The following RTTN variants were observed in gnomAD, a reference collection of about 807,000 sequenced individuals.
RTTN encodes the protein rotatin.
RTTN carries 182 observed loss-of-function variants against 269.2 expected under a neutral mutation model. The ratio of observed to expected loss-of-function variants is 0.68; its 90% CI spans 0.60 to 0.76. The LOEUF is 0.76. Among genes scored for constraint, RTTN ranks in the 30% least tolerant of loss-of-function variants. RTTN has a pLI of 0.00. For missense variants in RTTN, 2,545 were observed against 2,608.6 expected (o/e 0.98, Z 0.53); for synonymous variants, 1,006 against 963.5 (o/e 1.04, Z -0.82).
At position 70,048,145 on chromosome 18, in the gene RTTN, G is replaced by A. The variant is rs1297931143; in HGVS notation, c.5367C>T (p.Ala1789=). Residue 1789 remains alanine (A), a synonymous_variant, in exon 40 of 49, where the codon GCC becomes GCT. Transcript: ENST00000640769. ...GGAATTGCAAGCTGGCAGTATACAG[G>A]GCAGGACACGTGGCAGACAAGCCTG... ...TCAGLSATCP[A]LYTASLQFLS... 1 of 1,614,086 alleles carries A rather than the reference G, an allele frequency of 6.2e-7. No individual in the cohort carries two copies. The highest frequency in any genetic ancestry group is 2.2e-5 in the East Asian group (1 of 44,874).
intron 9 of RTTN, among the ~76,000 whole-genome samples, chr18:70,189,162 CAGAT>C (rs1215092585): frequency 6.6e-6 from 1 of 152,172 alleles, no homozygotes; most frequent in Non-Finnish European, 1.5e-5. Flanking sequence ...GCTTACCAGA[CAGAT>C]AAACATATGT....
chr18:70,098,111 C>T (rs1286810709), intron 28 of RTTN, among the ~76,000 whole-genome samples: 1 of 151,950 alleles, frequency 6.6e-6, no homozygotes, highest in Non-Finnish European at 1.5e-5. Context: ...AATTTTTAAA[C>T]TTTTAGGTTC....
rs2057932959 is a variant in RTTN at position 70,060,028 on chromosome 18, T to A, written c.4762A>T (p.Thr1588Ser). ...QFVAQGHQESTSPRPPHDSSL... is the reference protein window; with the variant it reads ...QFVAQGHQESSSPRPPHDSSL... ...GAATCATGAGGTGGCCGTGGTGATG[T>A]ACTTTCCTGGTGACCTATTATTGAA... Residue 1588 changes from threonine to serine, a missense_variant, in exon 36 of 49, where the codon ACA (threonine) becomes TCA (serine). By Grantham distance (58) the Thr-to-Ser change is moderately conservative (BLOSUM62 1). Coordinates refer to ENST00000640769, the MANE Select transcript of RTTN (RefSeq NM_173630.4). 6.2e-7 allele frequency: 1 copy of A among 1,611,250 alleles called. No individual in the cohort carries two copies. Among genetic ancestry groups the A allele is most frequent in the Non-Finnish European group, 8.5e-7 (1 of 1,178,664 alleles).
At chr18:70,190,808 C>T (rs2061653544) in intron 8 of RTTN, 89 bp from the exon 9 acceptor site, 3 of 853,450 alleles carry the variant, frequency 3.5e-6, no homozygotes, top group Admixed American at 4.1e-5. Flanking sequence ...TATTAGAAGC[C>T]TCATACAAGT....
chr18:70,182,914 T>G (rs756581448), intron 10 of RTTN, among the ~76,000 whole-genome samples: 1 of 152,224 alleles, frequency 6.6e-6, no homozygotes, highest in Non-Finnish European at 1.5e-5. Flanking sequence ...CTCCACACTT[T>G]GAATGATTAT....
chr18:70,058,255 G>A lies in RTTN; in HGVS notation c.4941-423C>T, dbSNP rs533649459. 1.8e-3 allele frequency among the ~76,000 whole-genome samples: 271 copies of A among 152,330 alleles called. 1 individual carries two copies. Among genetic ancestry groups the A allele is most frequent in the Non-Finnish European group, 3.1e-3 (210 of 68,034 alleles). ...AAACAGGCCGGGTGCGGTGGCTCAC[G>A]CCTGTAATCCCAGCACTTTGGGAGG... is the stretch of plus-strand genomic sequence containing the variant. On this transcript the variant is annotated intron_variant, in intron 36 of 48. Transcript: ENST00000640769.
intron 28 of RTTN, among the ~76,000 whole-genome samples, chr18:70,107,752 T>C (rs1477858980): frequency 6.6e-6 from 1 of 152,126 alleles, no homozygotes; most frequent in Non-Finnish European, 1.5e-5. Context: ...GTTCATTCTA[T>C]TAGAAAGATA....
chr18:70,053,307 A>G (rs2057727774), intron 38 of RTTN: 1 of 152,238 alleles, frequency 6.6e-6, no homozygotes, highest in African/African-American at 2.4e-5. Context: ...TCTTCTCCCC[A>G]GAATCAATGT....
At chr18:70,149,327 G>A (rs963060469) in intron 16 of RTTN, among the ~76,000 whole-genome samples, 3 of 151,892 alleles carry the variant, frequency 2.0e-5, no homozygotes, top group Non-Finnish European at 2.9e-5. Context: ...CCTCCCCTCG[G>A]TGAAGCACCT....
chr18:70,202,426 C>T (rs779292248), intron 3 of RTTN, among the ~76,000 whole-genome samples: 1 of 152,210 alleles, frequency 6.6e-6, no homozygotes, highest in South Asian at 2.1e-4. Flanking sequence ...CTATAACATG[C>T]GATTATATGT....
At chr18:70,077,027 T>C (rs1421066884) in intron 32 of RTTN, among the ~76,000 whole-genome samples, 1 of 151,886 alleles carries the variant, frequency 6.6e-6, no homozygotes, top group Non-Finnish European at 1.5e-5. Context: ...CTGCTTAACA[T>C]CACAAATTAG....
intron 46 of RTTN, among the ~76,000 whole-genome samples, chr18:70,013,421 G>A (rs1384461592): frequency 6.6e-6 from 1 of 152,006 alleles, no homozygotes; most frequent in East Asian, 1.9e-4. Flanking sequence ...GTCTGTGTGT[G>A]TGTGTGTGTG....
intron 33 of RTTN, 158 bp downstream of exon 33, chr18:70,075,194 A>T (rs2058394621): frequency 3.8e-6 from 2 of 529,344 alleles, no homozygotes; most frequent in Non-Finnish European, 6.5e-6. Context: ...GAGAAAGAAG[A>T]CGGGAAGAAA....
At chr18:70,061,361 A>G (rs1274080925) in intron 35 of RTTN, 1 of 456,260 alleles carries the variant, frequency 2.2e-6, no homozygotes, top group Non-Finnish European at 4.4e-6. Flanking sequence ...TTCCTCGTCC[A>G]AGCTCTAAAA....
At chr18:70,185,305 A>C (rs1044867515) in intron 10 of RTTN, among the ~76,000 whole-genome samples, 14 of 152,314 alleles carry the variant, frequency 9.2e-5, no homozygotes, top group African/African-American at 3.4e-4. Flanking sequence ...TCTTAGATAA[A>C]ATATCAAAAG....
At position 70,059,926 on chromosome 18, in the gene RTTN, C is replaced by T. The variant is rs886042189; in HGVS notation, c.4864G>A (p.Asp1622Asn). The T allele has an allele frequency of 2.7e-5, 44 of 1,613,744 alleles. No individual in the cohort carries two copies. The East Asian group carries it at 8.2e-4, about 30-fold the overall frequency. Residue 1622 changes from aspartate to asparagine, a missense_variant, in exon 36 of 49, where the codon GAC becomes AAC. Coordinates refer to ENST00000640769, the MANE Select transcript of RTTN (RefSeq NM_173630.4). ...SLLSAMCSLLDNLLTIAPRDT... is the reference protein window; with the variant it reads ...SLLSAMCSLLNNLLTIAPRDT... ...CTGGGAGCAATCGTCAAGAGGTTGTCCAAGAGGCTGCACATTGCTGAAAGA... is the reference window on the plus strand; with the variant it reads ...CTGGGAGCAATCGTCAAGAGGTTGTTCAAGAGGCTGCACATTGCTGAAAGA...
intron 28 of RTTN, among the ~76,000 whole-genome samples, chr18:70,109,160 T>C (rs2059396724): frequency 6.6e-6 from 1 of 152,184 alleles, no homozygotes; most frequent in South Asian, 2.1e-4. Context: ...CCAGAAGTGT[T>C]TGAATTTTGG....
intron 21 of RTTN, 48 bp from the exon 22 acceptor site, chr18:70,135,328 A>C: frequency 9.2e-7 from 1 of 1,085,144 alleles, no homozygotes; most frequent in South Asian, 1.4e-5. Flanking sequence ...ACGTCTAGAA[A>C]GAATGAACTT....
At chr18:70,066,712 A>T (rs933377313) in intron 34 of RTTN, among the ~76,000 whole-genome samples, 3 of 152,226 alleles carry the variant, frequency 2.0e-5, no homozygotes, top group Admixed American at 2.0e-4. Flanking sequence ...AGCTATCCAT[A>T]GAAGTTATAA....
Sources: gnomAD v4.1 joint callset for allele counts (sites outside exome capture counted in the v4.1 genomes callset) on GRCh38, gnomAD v4.1.1 for gene constraint, MANE v1.5 for transcripts, NCBI Gene and HGNC (gene_info 2026-07-23, HGNC 2026-07-21) for gene names.